Variants in WDR87 observed in about 807,000 individuals in gnomAD.
The protein encoded by WDR87 is WD repeat domain 87, also known as WD repeat-containing protein 87.
Under a neutral mutation model 83.3 loss-of-function variants are expected in WDR87, and 56 were observed. That is an observed-to-expected ratio of 0.67 (90% CI 0.54 to 0.84). The LOEUF is 0.84. Among genes scored for constraint, WDR87 ranks in the 40% least tolerant of loss-of-function variants. The pLI is 0.00. For missense variants in WDR87, 2,939 were observed against 3,431.9 expected, an observed-to-expected ratio of 0.86 and a Z score of 3.59; for synonymous variants, 1,173 against 1,250.6, an observed-to-expected ratio of 0.94 and a Z score of 1.31.
chr19:37,896,430 G>A, intron 2 of WDR87, 122 bp from the exon 3 acceptor site: 1 of 978,442 alleles, frequency 1.0e-6, no homozygotes, highest in South Asian at 1.7e-5. Context: ...ACCTACTCCT[G>A]TTACACTCAC....
Position 37,886,165 on chromosome 19 carries a change from C to T in WDR87, c.7506G>A (p.Lys2502=), listed in dbSNP as rs2046142956. The T allele has an allele frequency of 6.4e-7, 1 of 1,551,716 alleles. No individual in the cohort carries two copies. Among genetic ancestry groups the T allele is most frequent in the Non-Finnish European group, 8.7e-7 (1 of 1,146,994 alleles). ...TTAATATGTGGGACATAAATGGGGT[C>T]TTTAAGTCCTGTGCTTGGGACTCCA... is the stretch of plus-strand genomic sequence containing the variant. ...TVLESQAQDL[K]TPFMSHILRR... is the part of the protein sequence containing the mutation. Residue 2502 remains lysine, a synonymous_variant, in exon 6 of 6, where the codon AAG becomes AAA. Coordinates refer to ENST00000447313, the MANE Select transcript of WDR87 (RefSeq NM_001291088.2).
rs1010830384 is a variant in WDR87, at chr19:37,898,106, T to C, written c.75+59A>G. On this transcript the variant is annotated intron_variant, in intron 2 of 5. Coordinates refer to ENST00000447313, the MANE Select transcript of WDR87 (RefSeq NM_001291088.2). ...ATCTGTGGCTCTTCTGAAATGCTCA[T>C]GACTGTAAGACAGGTAGCAGCCAAC... 11 of 1,539,780 alleles carry C rather than the reference T, an allele frequency of 7.1e-6. No individual in the cohort carries two copies. In the African/African-American group the frequency reaches 1.5e-4, roughly 21 times the overall value.
chr19:37,900,569 A>AAAAAG (rs1555761122), intron 1 of WDR87, among the ~76,000 whole-genome samples: 3 of 150,954 alleles, frequency 2.0e-5, no homozygotes, highest in African/African-American at 7.3e-5. Flanking sequence ...TCAAAAAAAA[A>AAAAAG]AAAAAAAAAA....
In WDR87 at chr19:37,893,805, C is replaced by T. The variant is rs1431887620; in HGVS notation, c.1898G>A (p.Trp633Ter). 1 of 1,551,568 alleles carries T rather than the reference C, an allele frequency of 6.4e-7. No individual in the cohort carries two copies. The highest frequency in any genetic ancestry group is 8.7e-7 in the Non-Finnish European group (1 of 1,147,026). The change falls in exon 4 of 6, where the codon TGG becomes TAG. Residue 633 changes from tryptophan (W) to a stop codon, truncating the protein, a stop_gained. Coordinates refer to ENST00000447313, the MANE Select transcript of WDR87 (RefSeq NM_001291088.2). LOFTEE classifies it high-confidence loss of function. ...GCCTATGAGTCTGCCATGGAAGTCC[C>T]AGATCCGAACAGAGCCATCGGCAGA... ...TGSADGSVRI[W>*]DFHGRLIGIL...
rs554926760 is a variant in WDR87, at chr19:37,886,795, T to G, written c.6876A>C (p.Glu2292Asp). 6.5e-7 allele frequency: 1 copy of G among 1,527,132 alleles called. No homozygotes were observed. The highest frequency in any genetic ancestry group is 2.0e-5 in the Admixed American group (1 of 50,244). 94.6% of individuals were successfully genotyped at this position (1,527,132 alleles called of 1,614,324 possible). Reference protein sequence around the residue: ...LSSEEEEEREEEEEREEEEER... With the variant: ...LSSEEEEEREDEEEREEEEER... Reference sequence around the variant, plus strand: ...CCTCCTCCTCCTCCCTTTCCTCTTCTTCCTCCCTTTCCTCCTCCTCCTCAG... The same window carrying G: ...CCTCCTCCTCCTCCCTTTCCTCTTCGTCCTCCCTTTCCTCCTCCTCCTCAG... Residue 2292 changes from glutamate to aspartate, a missense_variant, in exon 6 of 6, where the codon GAA becomes GAC. By Grantham distance (45) the Glu-to-Asp change is conservative. Transcript: ENST00000447313.
chr19:37,896,313 A>G lies in WDR87; in HGVS notation c.76-5T>C. The G allele has an allele frequency of 6.4e-7, 1 of 1,551,298 alleles. No individual in the cohort carries two copies. Among genetic ancestry groups the G allele is most frequent in the Non-Finnish European group, 8.7e-7 (1 of 1,146,708 alleles). On this transcript the variant is annotated splice_polypyrimidine_tract_variant and splice_region_variant and intron_variant, in intron 2 of 5. Transcript: ENST00000447313. The stretch of plus-strand genomic sequence containing the variant: ...CTTTGGGTCTTCCGAAGGTTGCTGG[A>G]GAGAGGCGTGGCATAAACTAAGAGG...
Position 37,893,851 on chromosome 19 carries a change from A to C in WDR87, c.1852T>G (p.Leu618Val). Residue 618 changes from leucine (L) to valine (V), a missense_variant, in exon 4 of 6, where the codon TTG becomes GTG. Leu to Val is a conservative substitution (Grantham distance 32, BLOSUM62 1). Around this residue, in one of 3 missense-constraint regions of WDR87, gnomAD observed 553 missense variants for 577.9 expected, o/e 0.96. Coordinates refer to ENST00000447313, the MANE Select transcript of WDR87 (RefSeq NM_001291088.2). ...GCAGAACCTGTGACAAAAAGACTCA[A>C]GGAGAGGCAGACATCAAAGGATGTG... The part of the protein sequence containing the change: ...AITSFDVCLS[L>V]SLFVTGSADG... 3 of 1,551,910 alleles carry C rather than the reference A, an allele frequency of 1.9e-6. No homozygotes were observed. Among genetic ancestry groups the C allele is most frequent in the Non-Finnish European group, 2.6e-6 (3 of 1,147,046 alleles).
Position 37,885,509 on chromosome 19 carries a change from T to C in WDR87, c.8162A>G (p.Glu2721Gly). The change falls in exon 6 of 6, where the codon GAA becomes GGA. Residue 2721 changes from glutamate to glycine, a missense_variant. Physicochemically the swap from Glu to Gly is moderately conservative, Grantham distance 98 (BLOSUM62 -2). Transcript: ENST00000447313. Reference protein sequence around the residue: ...DIFPSAHASVEKQTLALMFQK... With the variant: ...DIFPSAHASVGKQTLALMFQK... ...AAACATCAGTGCCAGGGTTTGTTTT[T>C]CCACAGAGGCATGGGCACTTGGAAA... 1 of 1,551,680 alleles carries C rather than the reference T, an allele frequency of 6.4e-7. No homozygotes were observed. Among genetic ancestry groups the C allele is most frequent in the Non-Finnish European group, 8.7e-7 (1 of 1,147,002 alleles).
Position 37,887,778 on chromosome 19 carries a change from TTTTGGCCAAACTA to T in WDR87, c.5880_5892del (p.Asp1960GlufsTer11). On this transcript the variant is annotated frameshift_variant, in exon 6 of 6. Transcript: ENST00000447313. LOFTEE classifies it low-confidence loss of function (END_TRUNC). Reference sequence around the variant, plus strand: ...TTTTCCTGGGCCAATTTCTCCTGTTTTTTGGCCAAACTATCCTCTACTTGGACCAATTTTTTCT... The same window carrying T: ...TTTTCCTGGGCCAATTTCTCCTGTTTTCCTCTACTTGGACCAATTTTTTCT... The T allele has an allele frequency of 2.6e-6, 4 of 1,552,010 alleles. No homozygotes were observed. Among genetic ancestry groups the T allele is most frequent in the Non-Finnish European group, 3.5e-6 (4 of 1,147,094 alleles).
chr19:37,886,119 C>T lies in WDR87; in HGVS notation c.7552G>A (p.Glu2518Lys), dbSNP rs2145415863. The T allele has an allele frequency of 1.3e-6, 2 of 1,551,760 alleles. No individual in the cohort carries two copies. The highest frequency in any genetic ancestry group is 2.4e-5 in the East Asian group (1 of 40,926). ...HILRRTVEAE[E>K]LQHKPLGAWW... ...GCACCTAGTGGTTTGTGTTGGAGTT[C>T]CTCAGCTTCCACGGTCCTCCTTAAT... is the stretch of plus-strand genomic sequence containing the variant. The change falls in exon 6 of 6, where the codon GAA (glutamate) becomes AAA (lysine). Residue 2518 changes from glutamate (E) to lysine (K), a missense_variant. By Grantham distance (56) the Glu-to-Lys change is moderately conservative (BLOSUM62 1). Transcript: ENST00000447313.
Position 37,894,716 on chromosome 19 carries a change from C to T in WDR87, c.987G>A (p.Arg329=), listed in dbSNP as rs530045947. 1.3e-6 allele frequency: 2 copies of T among 1,551,686 alleles called. No homozygotes were observed. The highest frequency in any genetic ancestry group is 2.7e-5 in the African/African-American group (2 of 73,152). Reference sequence around the variant, plus strand: ...AAGTAATGCTGTCAATAAACTGGAGCCGGTATAGCTCCTCACCAAGCTCTA... The same window carrying T: ...AAGTAATGCTGTCAATAAACTGGAGTCGGTATAGCTCCTCACCAAGCTCTA... ...RRLELGEELY[R]LQFIDSITFF... Residue 329 remains arginine, a synonymous_variant, in exon 4 of 6, where the codon CGG becomes CGA. Coordinates refer to ENST00000447313, the MANE Select transcript of WDR87 (RefSeq NM_001291088.2).
At chr19:37,890,382 C>A in intron 5 of WDR87, 106 bp from the exon 6 acceptor site, 1 of 1,334,612 alleles carries the variant, frequency 7.5e-7, no homozygotes, top group Admixed American at 3.3e-5. Flanking sequence ...TAAGAAGTAA[C>A]AACAGAGAGA....
chr19:37,900,085 C>T (rs2046284105), intron 1 of WDR87, among the ~76,000 whole-genome samples: 1 of 152,218 alleles, frequency 6.6e-6, no homozygotes, highest in Admixed American at 6.5e-5. Flanking sequence ...GCAGGCAAAA[C>T]TTACCATCAT....
rs1347389287 is a variant in WDR87 at position 37,895,064 on chromosome 19, C to G, written c.639G>C (p.Leu213=). Residue 213 remains leucine, a synonymous_variant, in exon 4 of 6, where the codon CTG becomes CTC. Transcript: ENST00000447313. The part of the protein sequence containing the change: ...LNGPSGSLLA[L]CETVVRVLMH... The stretch of plus-strand genomic sequence containing the variant: ...TAAGGACCCTCACCACCGTCTCACA[C>G]AGGGCCAGGAGGGAGCCACTGGGAC... 6.4e-7 allele frequency: 1 copy of G among 1,551,716 alleles called. No homozygotes were observed. Among genetic ancestry groups the G allele is most frequent in the Admixed American group, 2.0e-5 (1 of 50,996 alleles).
In WDR87 at chr19:37,887,703, T is replaced by C. The variant is rs2046162204; in HGVS notation, c.5968A>G (p.Arg1990Gly). ...TCCTTAGCAATATCCAACTCTCCTC[T>C]GAGCCGTTTCTTTCCTTGGACCATT... is the stretch of plus-strand genomic sequence containing the variant. The part of the protein sequence containing the change: ...KAMVQGKKRL[R>G]GELDIAKEEK... The change falls in exon 6 of 6, where the codon AGA becomes GGA. Residue 1990 changes from arginine (R) to glycine (G), a missense_variant. By Grantham distance (125) the Arg-to-Gly change is moderately radical (BLOSUM62 -2). Transcript: ENST00000447313. 2 of 1,552,396 alleles carry C rather than the reference T, an allele frequency of 1.3e-6. No individual in the cohort carries two copies. Among genetic ancestry groups the C allele is most frequent in the Non-Finnish European group, 8.7e-7 (1 of 1,147,146 alleles).
chr19:37,885,304 C>A lies in WDR87; in HGVS notation c.8367G>T (p.Trp2789Cys). The A allele has an allele frequency of 6.5e-7, 1 of 1,550,270 alleles. No homozygotes were observed. The highest frequency in any genetic ancestry group is 8.7e-7 in the Non-Finnish European group (1 of 1,146,258). ...CCATGAGCTGGTAGAACTGTTCCATCCAAGCAGTGCTGTCTTTTGGATATC... is the reference window on the plus strand; with the variant it reads ...CCATGAGCTGGTAGAACTGTTCCATACAAGCAGTGCTGTCTTTTGGATATC... ...QQRYPKDSTA[W>C]MEQFYQLMDL... is the part of the protein sequence containing the mutation. The change falls in exon 6 of 6, where the codon TGG (tryptophan) becomes TGT (cysteine). Residue 2789 changes from tryptophan to cysteine, a missense_variant. Trp to Cys is a radical substitution (Grantham distance 215, BLOSUM62 -2). This residue lies in a region of WDR87 where 2,160 missense variants were observed against 2,533.1 expected (regional missense o/e 0.85). Transcript: ENST00000447313.
rs2046128643 is a variant in WDR87 at position 37,884,909 on chromosome 19, C to T, written c.*23G>A. The stretch of plus-strand genomic sequence containing the variant: ...CTTTCTCCAGTTGGCAATGAAAAGT[C>T]CCAGCCTCCAGTCAGTCCCAAATTA... On this transcript the variant is annotated 3_prime_UTR_variant, in exon 6 of 6. Coordinates refer to ENST00000447313, the MANE Select transcript of WDR87 (RefSeq NM_001291088.2). The T allele has an allele frequency of 1.6e-6, 2 of 1,277,234 alleles. No individual in the cohort carries two copies. Among genetic ancestry groups the T allele is most frequent in the Middle Eastern group, 2.0e-4 (1 of 4,896 alleles). 79.1% of individuals were successfully genotyped at this position (1,277,234 alleles called of 1,614,324 possible).
At position 37,893,839 on chromosome 19, in the gene WDR87, C is replaced by T. The variant is rs776234022; in HGVS notation, c.1864G>A (p.Val622Ile). 1.2e-5 allele frequency: 19 copies of T among 1,551,680 alleles called. No individual in the cohort carries two copies. The highest frequency in any genetic ancestry group is 1.4e-5 in the African/African-American group (1 of 73,014). ...ACAGAGCCATCGGCAGAACCTGTGACAAAAAGACTCAAGGAGAGGCAGACA... is the reference window on the plus strand; with the variant it reads ...ACAGAGCCATCGGCAGAACCTGTGATAAAAAGACTCAAGGAGAGGCAGACA... ...FDVCLSLSLF[V>I]TGSADGSVRI... Residue 622 changes from valine to isoleucine, a missense_variant, in exon 4 of 6, where the codon GTC becomes ATC. This residue lies in a region of WDR87 where 553 missense variants were observed against 577.9 expected (regional missense o/e 0.96). Transcript: ENST00000447313.
chr19:37,889,437 C>A lies in WDR87; in HGVS notation c.4234G>T (p.Val1412Phe). 1 of 1,551,796 alleles carries A rather than the reference C, an allele frequency of 6.4e-7. No individual in the cohort carries two copies. The highest frequency in any genetic ancestry group is 8.7e-7 in the Non-Finnish European group (1 of 1,147,032). ...TQVILKKGKK[V>F]IFLEPGNVTM... ...ACATTACCTGGTTCTAAAAAAATAA[C>A]TTTCTTGCCCTTTTTCAAAATCACT... Residue 1412 changes from valine (V) to phenylalanine (F), a missense_variant, in exon 6 of 6, where the codon GTT becomes TTT. Transcript: ENST00000447313.
Sources: allele counts gnomAD v4.1 joint callset (sites outside exome capture counted in the v4.1 genomes callset), GRCh38; gene constraint gnomAD v4.1.1; regional missense constraint gnomAD v4.1.1; transcripts MANE v1.5; gene names NCBI Gene and HGNC (gene_info 2026-07-23, HGNC 2026-07-21).